Variants in RAB7A observed in about 807,000 individuals in gnomAD.
RAB7A encodes RAB7A, member RAS oncogene family.
In RAB7A, 2 loss-of-function variants were observed where a neutral mutation model predicts 24.5. The ratio of observed to expected loss-of-function variants is 0.08; its 90% CI spans 0.03 to 0.26. The LOEUF is 0.26. RAB7A is among the 10% of genes least tolerant of loss of function. The pLI, the probability that RAB7A is intolerant of heterozygous loss-of-function variation, is 1.00. For missense variants in RAB7A, 118 were observed against 255.7 expected (o/e 0.46, Z 3.67); for synonymous variants, 100 against 95.9 (o/e 1.04, Z -0.25).
intron 1 of RAB7A, among the ~76,000 whole-genome samples, chr3:128,764,160 T>C (rs1460586566): frequency 6.6e-6 from 1 of 152,074 alleles, no homozygotes; most frequent in Non-Finnish European, 1.5e-5. Flanking sequence ...GGAAATGAGC[T>C]CCCTGTGACT....
intron 1 of RAB7A, among the ~76,000 whole-genome samples, chr3:128,775,539 C>T (rs1016132082): frequency 6.6e-6 from 1 of 152,254 alleles, no homozygotes; most frequent in East Asian, 1.9e-4. Context: ...TAAGTTTTCT[C>T]CATTTGTCCT....
chr3:128,758,273 TG>T (rs1576280141), intron 1 of RAB7A, among the ~76,000 whole-genome samples: 1 of 131,280 alleles, frequency 7.6e-6, no homozygotes, highest in Admixed American at 7.8e-5. Context: ...TTTGTTTTTT[TG>T]TTTTTTTTTT....
chr3:128,765,066 G>A lies in RAB7A; in HGVS notation c.-8-30294G>A, dbSNP rs191619916. On this transcript the variant is annotated intron_variant, in intron 1 of 5. Transcript: ENST00000265062. ...GGCGGTGGCTGCGCGGCGCTGGAGC[G>A]GCGGCGGGGGCCTTGGGATGGTCCG... is the stretch of plus-strand genomic sequence containing the variant. The A allele has an allele frequency of 2.1e-4, 216 of 1,034,396 alleles. No homozygotes were observed. The East Asian group carries it at 2.5e-3, about 12-fold the overall frequency. The allele number at this position is 1,034,396 out of a possible 1,614,324, so 64.1% of individuals were successfully genotyped here. A position where few individuals can be genotyped will look rare whatever the true frequency, so the allele number is the denominator to read the frequency against.
In RAB7A at chr3:128,814,515, T is replaced by C. The variant is rs1157485518; in HGVS notation, c.*1093T>C. On this transcript the variant is annotated 3_prime_UTR_variant, in exon 6 of 6. Coordinates refer to ENST00000265062, the MANE Select transcript of RAB7A (RefSeq NM_004637.6). ...ACAGATCTGTCCTAGTGATTTTACC[T>C]TTGTTCTAGAAGGCGCTCCTTTCAG... 6.6e-6 allele frequency: 1 copy of C among 152,650 alleles called. No homozygotes were observed. Among genetic ancestry groups the C allele is most frequent in the Non-Finnish European group, 1.5e-5 (1 of 68,040 alleles). The allele number at this position is 152,650 out of a possible 1,614,324, so 9.5% of individuals were successfully genotyped here.
At chr3:128,780,536 T>C (rs958810625) in intron 1 of RAB7A, among the ~76,000 whole-genome samples, 38 of 152,186 alleles carry the variant, frequency 2.5e-4, no homozygotes, top group African/African-American at 8.2e-4. Flanking sequence ...AGAAAGTGTT[T>C]ACAGTTTTGT....
intron 1 of RAB7A, among the ~76,000 whole-genome samples, chr3:128,767,175 C>A (rs1407130673): frequency 2.6e-5 from 4 of 152,166 alleles, no homozygotes; most frequent in Non-Finnish European, 5.9e-5. Flanking sequence ...ATTGTCCCTT[C>A]AGTCAGGTGT....
At chr3:128,733,678 CT>C (rs1462996444) in intron 1 of RAB7A, among the ~76,000 whole-genome samples, 1 of 152,182 alleles carries the variant, frequency 6.6e-6, no homozygotes, top group Non-Finnish European at 1.5e-5. Flanking sequence ...TTCTCCTTTT[CT>C]TTTAGGACAC....
At chr3:128,809,849 C>A (rs1576305084) in intron 5 of RAB7A, among the ~76,000 whole-genome samples, 2 of 147,580 alleles carry the variant, frequency 1.4e-5, no homozygotes, top group Non-Finnish European at 3.0e-5. Context: ...TCTCTCCAGT[C>A]TGTTCTGGTG....
intron 3 of RAB7A, chr3:128,798,492 C>T (rs146135166): frequency 5.8e-5 from 11 of 189,522 alleles, no homozygotes; most frequent in Admixed American, 5.4e-5. Flanking sequence ...CTATTTCATA[C>T]GTAACTTCAA....
Position 128,798,228 on chromosome 3 carries a change from T to C in RAB7A, c.180+159T>C, listed in dbSNP as rs188722679. 1.6e-4 allele frequency: 138 copies of C among 866,132 alleles called. 1 individual carries two copies. The highest frequency in any genetic ancestry group is 6.6e-5 in the Non-Finnish European group (37 of 558,846). The allele number at this position is 866,132 out of a possible 1,614,324, so 53.7% of individuals were successfully genotyped here. A position where few individuals can be genotyped will look rare whatever the true frequency, so the allele number is the denominator to read the frequency against. On this transcript the variant is annotated intron_variant, in intron 3 of 5. Coordinates refer to ENST00000265062, the MANE Select transcript of RAB7A (RefSeq NM_004637.6). ...CAGTTAAATTTGAATTTCAGATCAA[T>C]AGTGAATACTTTTTTAGTATACTTC...
rs1933974698 is a variant in RAB7A, at chr3:128,813,588, C to T, written c.*166C>T. On this transcript the variant is annotated 3_prime_UTR_variant, in exon 6 of 6. Transcript: ENST00000265062. ...ACAGTTACACCCCACATATCTCTCA[C>T]ACACACACACACACGCACACACACA... 15 of 639,974 alleles carry T rather than the reference C, an allele frequency of 2.3e-5. No homozygotes were observed. The highest frequency in any genetic ancestry group is 2.1e-4 in the South Asian group (13 of 63,284). 39.6% of individuals were successfully genotyped at this position (639,974 alleles called of 1,614,324 possible). A position where few individuals can be genotyped will look rare whatever the true frequency, so the allele number is the denominator to read the frequency against.
chr3:128,804,071 G>C, intron 3 of RAB7A, among the ~76,000 whole-genome samples: 1 of 151,932 alleles, frequency 6.6e-6, no homozygotes, highest in East Asian at 1.9e-4. Context: ...CCGAGAAACT[G>C]TTATCACAAG....
chr3:128,757,652 G>A (rs1559784605), intron 1 of RAB7A, among the ~76,000 whole-genome samples: 3 of 151,366 alleles, frequency 2.0e-5, no homozygotes, highest in South Asian at 2.1e-4. Flanking sequence ...CTCCTAACTG[G>A]GACTACAGGT....
At chr3:128,727,090 A>T (rs188928764) in intron 1 of RAB7A, among the ~76,000 whole-genome samples, 392 of 152,326 alleles carry the variant, frequency 2.6e-3, no homozygotes, top group African/African-American at 9.0e-3. Context: ...TAGGCTTGAT[A>T]CCTAATGGGG....
intron 3 of RAB7A, chr3:128,798,458 CAT>C (rs1933623273): frequency 5.0e-6 from 1 of 201,564 alleles, no homozygotes; most frequent in Non-Finnish European, 1.0e-5. Flanking sequence ...AGTAGTGAGA[CAT>C]AAACTTTATT....
chr3:128,812,566 T>A (rs974234649), intron 5 of RAB7A, among the ~76,000 whole-genome samples: 2 of 152,246 alleles, frequency 1.3e-5, no homozygotes, highest in African/African-American at 4.8e-5. Context: ...GGCACACAAG[T>A]GCTCAGTGTT....
intron 1 of RAB7A, among the ~76,000 whole-genome samples, chr3:128,788,934 A>G (rs1933395957): frequency 6.6e-6 from 1 of 152,240 alleles, no homozygotes; most frequent in African/African-American, 2.4e-5. Context: ...TGATGACTGC[A>G]GGCGAATAAA....
intron 1 of RAB7A, among the ~76,000 whole-genome samples, chr3:128,728,768 T>C (rs1559776633): frequency 6.6e-6 from 1 of 152,180 alleles, no homozygotes; most frequent in Non-Finnish European, 1.5e-5. Flanking sequence ...CGGCCGACTC[T>C]GGTAGCATTT....
At chr3:128,799,426 T>C (rs776283287) in intron 3 of RAB7A, among the ~76,000 whole-genome samples, 1 of 152,208 alleles carries the variant, frequency 6.6e-6, no homozygotes, top group Non-Finnish European at 1.5e-5. Context: ...TATGTGCTTC[T>C]AGAGGCAAAT....
Sources: gnomAD v4.1 joint callset for allele counts (sites outside exome capture counted in the v4.1 genomes callset) on GRCh38, gnomAD v4.1.1 for gene constraint, MANE v1.5 for transcripts, NCBI Gene and HGNC (gene_info 2026-07-23, HGNC 2026-07-21) for gene names.